PTBP3: variants seen among roughly 807,000 people sequenced by gnomAD.
The protein encoded by PTBP3 is polypyrimidine tract-binding protein 3.
Under a neutral mutation model 58.7 loss-of-function variants are expected in PTBP3, and 20 were observed. The observed-to-expected ratio is 0.34, with a 90% confidence interval of 0.24 to 0.50. The LOEUF is 0.50. Among genes scored for constraint, PTBP3 ranks in the 20% least tolerant of loss-of-function variants. The pLI, the probability that PTBP3 is intolerant of heterozygous loss-of-function variation, is 0.98. For synonymous variants in PTBP3, 185 were observed against 219.8 expected (o/e 0.84, Z 1.40); for missense variants, 509 against 637.2 (o/e 0.80, Z 2.17).
At chr9:112,371,861 G>A in the PTBP3 span, among the ~76,000 whole-genome samples, 7 of 151,960 alleles carry the variant, frequency 4.6e-5, no homozygotes, top group Non-Finnish European at 7.4e-5. Flanking sequence ...AGCCTCCCAA[G>A]TAGCTGGGAT....
chr9:112,262,362 T>C, intron 5 of PTBP3, 73 bp downstream of exon 5: 3 of 1,254,994 alleles, frequency 2.4e-6, no homozygotes, highest in Non-Finnish European at 3.3e-6. Flanking sequence ...CTAAACAACT[T>C]AGATATAAAA....
intron 3 of PTBP3, among the ~76,000 whole-genome samples, chr9:112,268,717 A>T (rs1191360380): frequency 1.0e-4 from 15 of 150,700 alleles, no homozygotes; most frequent in African/African-American, 3.2e-4. Flanking sequence ...CGTCTCAAAA[A>T]AAAAAAAAAA....
the PTBP3 span, among the ~76,000 whole-genome samples, chr9:112,378,637 A>G: frequency 6.6e-6 from 1 of 152,254 alleles, no homozygotes. Context: ...AGTCTCTATC[A>G]ACACTCTTCT....
At chr9:112,358,514 T>C in the PTBP3 span, among the ~76,000 whole-genome samples, 6 of 152,342 alleles carry the variant, frequency 3.9e-5, no homozygotes, top group African/African-American at 1.4e-4. Context: ...GTATTAAGTG[T>C]GTATATCCTC....
chr9:112,254,574 A>G (rs1836270089), intron 5 of PTBP3, among the ~76,000 whole-genome samples: 1 of 152,200 alleles, frequency 6.6e-6, no homozygotes, highest in Non-Finnish European at 1.5e-5. Flanking sequence ...AAGGACTTCA[A>G]TCGACATTTC....
rs982935437 is a variant in PTBP3 at position 112,218,886 on chromosome 9, A to G, written c.*4965T>C. ...TTCTGTTAGACGAACATTCTTAAAAACTGAAAAGGGGAATTTTGATGAACA... is the reference window on the plus strand; with the variant it reads ...TTCTGTTAGACGAACATTCTTAAAAGCTGAAAAGGGGAATTTTGATGAACA... On this transcript the variant is annotated 3_prime_UTR_variant, in exon 14 of 14. Coordinates refer to ENST00000374257, the MANE Select transcript of PTBP3 (RefSeq NM_001163788.4). 2.0e-5 allele frequency: 3 copies of G among 152,628 alleles called. No individual in the cohort carries two copies. Among genetic ancestry groups the G allele is most frequent in the Middle Eastern group, 3.4e-3 (1 of 294 alleles). 9.5% of individuals were successfully genotyped at this position (152,628 alleles called of 1,614,324 possible). A position where few individuals can be genotyped will look rare whatever the true frequency, so the allele number is the denominator to read the frequency against.
the PTBP3 span, among the ~76,000 whole-genome samples, chr9:112,357,158 A>G: frequency 1.3e-5 from 2 of 152,084 alleles, no homozygotes; most frequent in East Asian, 1.9e-4. Flanking sequence ...TTGAGATTAC[A>G]GGCATGAGCC....
At chr9:112,324,513 G>C in intron 1 of PTBP3, among the ~76,000 whole-genome samples, 1 of 152,168 alleles carries the variant, frequency 6.6e-6, no homozygotes, top group Non-Finnish European at 1.5e-5. Context: ...AGCCAGGCAT[G>C]GTGCTGCACA....
the PTBP3 span, among the ~76,000 whole-genome samples, chr9:112,377,655 T>A: frequency 8.7e-3 from 1,323 of 152,350 alleles, 20 homozygotes; most frequent in African/African-American, 0.03. Context: ...TGGGAGAATG[T>A]GTTGTAACCA....
rs955990990 is a variant in PTBP3 at position 112,222,788 on chromosome 9, C to T, written c.*1063G>A. On this transcript the variant is annotated 3_prime_UTR_variant, in exon 14 of 14. Transcript: ENST00000374257. Reference sequence around the variant, plus strand: ...ACTCTAACCTATTGTATCTTAAGCACATAATAAGGCACATAATAAGAAATT... The same window carrying T: ...ACTCTAACCTATTGTATCTTAAGCATATAATAAGGCACATAATAAGAAATT... The T allele has an allele frequency of 2.2e-6, 2 of 922,528 alleles. No individual in the cohort carries two copies. Among genetic ancestry groups the T allele is most frequent in the Non-Finnish European group, 2.6e-6 (2 of 772,528 alleles). The allele number at this position is 922,528 out of a possible 1,614,324, so 57.1% of individuals were successfully genotyped here.
intron 1 of PTBP3, among the ~76,000 whole-genome samples, chr9:112,319,142 A>G (rs1286828564): frequency 6.7e-6 from 1 of 150,012 alleles, no homozygotes; most frequent in Non-Finnish European, 1.5e-5. Context: ...AAAAAAAAAA[A>G]AAGAAAGAAA....
At chr9:112,309,393 T>C (rs1468317782) in intron 1 of PTBP3, among the ~76,000 whole-genome samples, 1 of 152,206 alleles carries the variant, frequency 6.6e-6, no homozygotes, top group Non-Finnish European at 1.5e-5. Flanking sequence ...ATGCATGTAT[T>C]GATTATGGTC....
At chr9:112,355,132 A>G in the PTBP3 span, among the ~76,000 whole-genome samples, 151 of 152,350 alleles carry the variant, frequency 9.9e-4, no homozygotes, top group African/African-American at 3.3e-3. Context: ...AATCAAATGA[A>G]TAATTCAGAC....
intron 1 of PTBP3, among the ~76,000 whole-genome samples, chr9:112,312,502 A>ATTT (rs1417898521): frequency 0.45 from 41,039 of 90,966 alleles, 7,952 homozygotes; most frequent in African/African-American, 0.56. Context: ...TTTTTTTTTA[A>ATTT]AAAAAAAAAA....
chr9:112,306,134 A>T lies in PTBP3; in HGVS notation c.-51-8218T>A, dbSNP rs1263988903. On this transcript the variant is annotated intron_variant, in intron 1 of 13. Coordinates refer to ENST00000374257, the MANE Select transcript of PTBP3 (RefSeq NM_001163788.4). ...GCCTAATTCTTCACATGGTTAAATA[A>T]ATATAACAAAATTATTAATTTGCTT... Among the ~76,000 whole-genome samples the T allele has an allele frequency of 2.0e-5, 3 of 152,210 alleles. No homozygotes were observed. In the East Asian group the frequency reaches 5.8e-4, roughly 29 times the overall value.
chr9:112,372,759 G>A, the PTBP3 span, among the ~76,000 whole-genome samples: 2 of 152,052 alleles, frequency 1.3e-5, no homozygotes, highest in African/African-American at 4.8e-5. Flanking sequence ...CCTTTTTATA[G>A]CTGAATCATA....
rs141401226 is a variant in PTBP3 at position 112,248,429 on chromosome 9, T to C, written c.802+2500A>G. ...GTAAAAGACTACACACTGGGTACAG[T>C]GTACACTGCTTGGGTGATGGGTGCA... On this transcript the variant is annotated intron_variant, in intron 7 of 13. Coordinates refer to ENST00000374257, the MANE Select transcript of PTBP3 (RefSeq NM_001163788.4). Among the ~76,000 whole-genome samples, 227 of 152,188 alleles carry C rather than the reference T, an allele frequency of 1.5e-3. 1 individual carries two copies. The highest frequency in any genetic ancestry group is 4.6e-3 in the South Asian group (22 of 4,822).
intron 1 of PTBP3, among the ~76,000 whole-genome samples, chr9:112,323,876 A>G (rs955864843): frequency 1.3e-5 from 2 of 152,214 alleles, no homozygotes; most frequent in African/African-American, 2.4e-5. Flanking sequence ...ACAGCCAAGA[A>G]TTTTCCATAA....
At chr9:112,362,789 G>T in the PTBP3 span, 1 of 302,014 alleles carries the variant, frequency 3.3e-6, no homozygotes, top group Admixed American at 3.8e-5. Flanking sequence ...CCACCAGTCA[G>T]AACAATATGT....
Sources: allele counts gnomAD v4.1 joint callset (sites outside exome capture counted in the v4.1 genomes callset), GRCh38; gene constraint gnomAD v4.1.1; transcripts MANE v1.5; gene names NCBI Gene and HGNC (gene_info 2026-07-23, HGNC 2026-07-21).